The following ARHGAP6 variants were observed in gnomAD, a reference collection of about 807,000 sequenced individuals.
ARHGAP6 encodes rho GTPase-activating protein 6.
Under a neutral mutation model 55.7 loss-of-function variants are expected in ARHGAP6, and 16 were observed. That is an observed-to-expected ratio of 0.29 (90% CI 0.19 to 0.44). The LOEUF (loss-of-function observed/expected upper bound fraction) is 0.44. Among genes scored for constraint, ARHGAP6 ranks in the 20% least tolerant of loss-of-function variants. ARHGAP6 has a pLI of 1.00. For missense variants in ARHGAP6, 698 were observed against 808.9 expected (o/e 0.86, Z 1.66); for synonymous variants, 382 against 360.9 (o/e 1.06, Z -0.66).
At position 11,585,090 on chromosome X, in the gene ARHGAP6, G is replaced by A. The variant is rs980234366; in HGVS notation, c.588+79151C>T. Among the ~76,000 whole-genome samples the A allele has an allele frequency of 5.4e-5, 6 of 112,060 alleles. 1 individual carries two copies. The highest frequency in any genetic ancestry group is 3.8e-4 in the Admixed American group (4 of 10,544). Reference sequence around the variant, plus strand: ...GATAATGGCCTCCAGCTCCATCCACGTTCCTGCAAAGGACATAATCTCCCT... The same window carrying A: ...GATAATGGCCTCCAGCTCCATCCACATTCCTGCAAAGGACATAATCTCCCT... On this transcript the variant is annotated intron_variant, in intron 1 of 12. Transcript: ENST00000337414.
rs190072025 is a variant in ARHGAP6, at chrX:11,306,332, C to G, written c.589-51625G>C. 8.9e-5 allele frequency among the ~76,000 whole-genome samples: 10 copies of G among 112,805 alleles called. No homozygotes were observed. In the East Asian group the frequency reaches 2.2e-3, roughly 25 times the overall value. On this transcript the variant is annotated intron_variant, in intron 1 of 12. Coordinates refer to ENST00000337414, the MANE Select transcript of ARHGAP6 (RefSeq NM_013427.3). ...TGCTTCTTTCTACTTTTGTCTCCCC[C>G]TTAGCTGTCAAGCTCCTTGAGGCAG...
chrX:11,620,916 G>A (rs1035927970), intron 1 of ARHGAP6, among the ~76,000 whole-genome samples: 3 of 112,160 alleles, frequency 2.7e-5, no homozygotes. Flanking sequence ...TGGTTTATAT[G>A]AAGTTAAAAC....
chrX:11,362,733 T>C (rs774192880), intron 1 of ARHGAP6, among the ~76,000 whole-genome samples: 2 of 111,295 alleles, frequency 1.8e-5, no homozygotes, highest in East Asian at 2.8e-4. Flanking sequence ...TTTCCTCCCT[T>C]GTCTTCTAAG....
intron 8 of ARHGAP6, among the ~76,000 whole-genome samples, chrX:11,176,296 C>T (rs1177199232): frequency 4.3e-4 from 6 of 13,884 alleles, no homozygotes; most frequent in Non-Finnish European, 9.5e-4. Context: ...TATGTATTTG[C>T]ATGCATATAT....
chrX:11,606,863 T>A (rs1273978510), intron 1 of ARHGAP6, among the ~76,000 whole-genome samples: 2 of 111,984 alleles, frequency 1.8e-5, no homozygotes, highest in Non-Finnish European at 3.8e-5. Flanking sequence ...TCACAAAACA[T>A]AAATGTTGCT....
At chrX:11,490,516 T>G (rs2050556871) in intron 1 of ARHGAP6, among the ~76,000 whole-genome samples, 1 of 112,148 alleles carries the variant, frequency 8.9e-6, no homozygotes, top group Admixed American at 9.4e-5. Context: ...CCAGTTAAGC[T>G]GTGCTTGGAC....
At chrX:11,413,969 G>C (rs2049718336) in intron 1 of ARHGAP6, among the ~76,000 whole-genome samples, 1 of 111,470 alleles carries the variant, frequency 9.0e-6, no homozygotes, top group Admixed American at 9.5e-5. Flanking sequence ...CACATACCCA[G>C]TTCTGCACAT....
intron 1 of ARHGAP6, among the ~76,000 whole-genome samples, chrX:11,522,054 TC>T (rs749528913): frequency 3.7e-4 from 41 of 111,552 alleles, no homozygotes; most frequent in African/African-American, 1.3e-3. Context: ...GAAGGTGCAA[TC>T]AAACTAGAAC....
intron 1 of ARHGAP6, among the ~76,000 whole-genome samples, chrX:11,581,292 G>A (rs963274992): frequency 8.9e-6 from 1 of 111,956 alleles, no homozygotes; most frequent in Non-Finnish European, 1.9e-5. Flanking sequence ...ATTGGTGAAA[G>A]TGTGGAGAAA....
intron 1 of ARHGAP6, among the ~76,000 whole-genome samples, chrX:11,359,942 C>T (rs2048986891): frequency 9.0e-6 from 1 of 111,678 alleles, no homozygotes; most frequent in Non-Finnish European, 1.9e-5. Flanking sequence ...TACACCCTCC[C>T]AAGACTAAAC....
At chrX:11,316,436 CAAAT>C (rs1371663270) in intron 1 of ARHGAP6, among the ~76,000 whole-genome samples, 1 of 112,050 alleles carries the variant, frequency 8.9e-6, no homozygotes, top group Non-Finnish European at 1.9e-5. Flanking sequence ...AAAAAATTAA[CAAAT>C]AAAAATTGTA....
intron 1 of ARHGAP6, among the ~76,000 whole-genome samples, chrX:11,425,841 C>A (rs1323652897): frequency 9.0e-6 from 1 of 111,690 alleles, no homozygotes; most frequent in Non-Finnish European, 1.9e-5. Flanking sequence ...TCCTCCCCCA[C>A]CCGCACTCTT....
intron 1 of ARHGAP6, among the ~76,000 whole-genome samples, chrX:11,402,805 G>A (rs189708600): frequency 6.3e-4 from 70 of 111,901 alleles, no homozygotes; most frequent in African/African-American, 2.1e-3. Flanking sequence ...GTGGCAGAGC[G>A]TAGGAGGATG....
chrX:11,346,950 CAAACAAACT>C (rs1212263059), intron 1 of ARHGAP6, among the ~76,000 whole-genome samples: 1 of 108,833 alleles, frequency 9.2e-6, no homozygotes, highest in Non-Finnish European at 1.9e-5. Context: ...AACAAACAAA[CAAACAAACT>C]AGTGTGCTCT....
intron 1 of ARHGAP6, among the ~76,000 whole-genome samples, chrX:11,644,658 T>G (rs2052509047): frequency 1.8e-5 from 2 of 110,498 alleles, no homozygotes; most frequent in Admixed American, 1.9e-4. Flanking sequence ...ATACCACCTA[T>G]TAAAGTGAAA....
intron 1 of ARHGAP6, among the ~76,000 whole-genome samples, chrX:11,531,821 T>C (rs1480934591): frequency 8.9e-6 from 1 of 112,415 alleles, no homozygotes. Context: ...ATTACAGAGA[T>C]GAAGAAACGT....
At chrX:11,396,821 G>T (rs1006137751) in intron 1 of ARHGAP6, among the ~76,000 whole-genome samples, 1 of 111,447 alleles carries the variant, frequency 9.0e-6, no homozygotes, top group African/African-American at 3.3e-5. Context: ...TTAATCTAGT[G>T]TCTTTTTTGC....
chrX:11,603,474 G>T (rs1028549193), intron 1 of ARHGAP6, among the ~76,000 whole-genome samples: 4 of 111,856 alleles, frequency 3.6e-5, no homozygotes, highest in Admixed American at 2.9e-4. Context: ...GCATGGGTGG[G>T]TGTGTATGTG....
chrX:11,234,425 A>AT (rs754556960), intron 2 of ARHGAP6, among the ~76,000 whole-genome samples: 12 of 112,111 alleles, frequency 1.1e-4, no homozygotes, highest in African/African-American at 3.6e-4. Flanking sequence ...TACAGCATGC[A>AT]TTTTTTCCAT....
Sources: gnomAD v4.1 joint callset for allele counts (sites outside exome capture counted in the v4.1 genomes callset) on GRCh38, gnomAD v4.1.1 for gene constraint, MANE v1.5 for transcripts, NCBI Gene and HGNC (gene_info 2026-07-23, HGNC 2026-07-21) for gene names.